FHOD3: variants seen among roughly 807,000 people sequenced by gnomAD.
The protein encoded by FHOD3 is formin homology 2 domain containing 3.
Under a neutral mutation model 173.0 loss-of-function variants are expected in FHOD3, and 90 were observed. The observed-to-expected ratio is 0.52, with a 90% CI of 0.44 to 0.62. The LOEUF is 0.62. FHOD3 is among the 20% of genes least tolerant of loss of function. The pLI, the probability that FHOD3 is intolerant of heterozygous loss-of-function variation, is 0.00. For synonymous variants in FHOD3, 828 were observed against 823.0 expected (o/e 1.01, Z -0.10); for missense variants, 1,945 against 2,034.7 (o/e 0.96, Z 0.85).
intron 3 of FHOD3, among the ~76,000 whole-genome samples, chr18:36,436,493 C>A (rs1255657811): frequency 6.6e-6 from 1 of 151,884 alleles, no homozygotes; most frequent in African/African-American, 2.4e-5. Context: ...GATCAGTGGG[C>A]AGAAAAAAAG....
At chr18:36,324,566 A>T (rs2044569821) in intron 1 of FHOD3, among the ~76,000 whole-genome samples, 1 of 152,248 alleles carries the variant, frequency 6.6e-6, no homozygotes, top group Non-Finnish European at 1.5e-5. Flanking sequence ...CCAATAGAAA[A>T]ATGGGGAAGA....
intron 3 of FHOD3, among the ~76,000 whole-genome samples, chr18:36,415,909 G>A (rs1342152604): frequency 6.6e-6 from 1 of 152,230 alleles, no homozygotes; most frequent in Non-Finnish European, 1.5e-5. Context: ...GAAGTTTGGT[G>A]ACCTAACCAG....
chr18:36,542,875 C>T (rs2057279377), intron 5 of FHOD3, among the ~76,000 whole-genome samples: 1 of 152,086 alleles, frequency 6.6e-6, no homozygotes, highest in Non-Finnish European at 1.5e-5. Flanking sequence ...TGCATTAGCT[C>T]CCTGTGAGGG....
chr18:36,693,112 G>T, intron 16 of FHOD3, 97 bp from the exon 17 acceptor site: 1 of 1,257,208 alleles, frequency 8.0e-7, no homozygotes, highest in Non-Finnish European at 1.1e-6. Flanking sequence ...TGTGCATCAG[G>T]AAACCGGCTC....
chr18:36,658,158 T>A lies in FHOD3; in HGVS notation c.1805T>A (p.Val602Asp), dbSNP rs755293878. 13 of 1,589,260 alleles carry A rather than the reference T, an allele frequency of 8.2e-6. No homozygotes were observed. In the East Asian group the frequency reaches 3.1e-4, roughly 38 times the overall value. The change falls in exon 14 of 29, where the codon GTC (valine) becomes GAC (aspartate). Residue 602 changes from valine (V) to aspartate (D), a missense_variant. By Grantham distance (152) the Val-to-Asp change is radical (BLOSUM62 -3). Coordinates refer to ENST00000590592, the MANE Select transcript of FHOD3 (RefSeq NM_001281740.3). ...GTGCCCACCACCCCCACATCATCCGTCTCACCCCCACAGGAGGCCAGGTTG... is the reference window on the plus strand; with the variant it reads ...GTGCCCACCACCCCCACATCATCCGACTCACCCCCACAGGAGGCCAGGTTG... ...SSVPTTPTSS[V>D]SPPQEARLER...
chr18:36,497,657 C>T (rs1568350002), intron 3 of FHOD3, among the ~76,000 whole-genome samples: 1 of 152,150 alleles, frequency 6.6e-6, no homozygotes, highest in Admixed American at 6.5e-5. Context: ...GAAGCCACAA[C>T]AATCCCAAAT....
intron 8 of FHOD3, among the ~76,000 whole-genome samples, chr18:36,609,732 C>T (rs2032472900): frequency 6.6e-6 from 1 of 151,754 alleles, no homozygotes; most frequent in South Asian, 2.1e-4. Flanking sequence ...GCCTCAGCCT[C>T]CCAAGTAGCT....
At chr18:36,386,334 G>A (rs2048031346) in intron 3 of FHOD3, among the ~76,000 whole-genome samples, 1 of 152,194 alleles carries the variant, frequency 6.6e-6, no homozygotes, top group African/African-American at 2.4e-5. Flanking sequence ...GTTGGCAAGG[G>A]TGATGTGGGT....
At chr18:36,333,491 G>A (rs1297370948) in intron 1 of FHOD3, among the ~76,000 whole-genome samples, 1 of 152,198 alleles carries the variant, frequency 6.6e-6, no homozygotes, top group Non-Finnish European at 1.5e-5. Context: ...CTGCCTTTTT[G>A]GGTTTATAAC....
intron 3 of FHOD3, among the ~76,000 whole-genome samples, chr18:36,383,695 C>G (rs1296293431): frequency 6.6e-6 from 1 of 152,188 alleles, no homozygotes; most frequent in Non-Finnish European, 1.5e-5. Context: ...GCAAAGCACT[C>G]GACAAGTGTA....
rs186862302 is a variant in FHOD3, at chr18:36,742,890, C to T, written c.3879+34C>T. ...TCCCCATCCCTCATCCTGTAGCCCC[C>T]CCTTGTCACAAAATCCCTGCCCAGC... On this transcript the variant is annotated intron_variant, in intron 22 of 28. Coordinates refer to ENST00000590592, the MANE Select transcript of FHOD3 (RefSeq NM_001281740.3). The T allele has an allele frequency of 1.6e-5, 26 of 1,593,714 alleles. No homozygotes were observed. The East Asian group carries it at 2.0e-4, about 12-fold the overall frequency.
Position 36,591,684 on chromosome 18 carries a change from G to A in FHOD3, c.607-3103G>A, listed in dbSNP as rs576502422. On this transcript the variant is annotated intron_variant, in intron 6 of 28. Transcript: ENST00000590592. Reference sequence around the variant, plus strand: ...TGAAATCCTAGCACTTTGGGAGGCCGAGGTGAGAGGTTTGCTGGATCCCAG... The same window carrying A: ...TGAAATCCTAGCACTTTGGGAGGCCAAGGTGAGAGGTTTGCTGGATCCCAG... Among the ~76,000 whole-genome samples, 4 of 152,234 alleles carry A rather than the reference G, an allele frequency of 2.6e-5. No individual in the cohort carries two copies. The South Asian group carries it at 6.2e-4, about 24-fold the overall frequency.
intron 3 of FHOD3, among the ~76,000 whole-genome samples, chr18:36,410,023 A>G (rs2146865285): frequency 6.6e-6 from 1 of 152,354 alleles, no homozygotes; most frequent in Non-Finnish European, 1.5e-5. Flanking sequence ...TGTAATTCAC[A>G]TACTATACAA....
chr18:36,444,184 C>T (rs1280915008), intron 3 of FHOD3, among the ~76,000 whole-genome samples: 1 of 114,120 alleles, frequency 8.8e-6, no homozygotes, highest in African/African-American at 3.6e-5. Flanking sequence ...CAGAGTGAGA[C>T]TCCGTCTCAA....
chr18:36,387,951 G>A (rs2048108994), intron 3 of FHOD3, among the ~76,000 whole-genome samples: 2 of 152,070 alleles, frequency 1.3e-5, no homozygotes, highest in South Asian at 4.1e-4. Flanking sequence ...CCTTAAGGAA[G>A]GAATTTGGGG....
chr18:36,526,124 T>C (rs9635886), intron 5 of FHOD3, among the ~76,000 whole-genome samples: 49,742 of 152,234 alleles, frequency 0.33, 9,157 homozygotes, highest in Non-Finnish European at 0.42. Context: ...GGAGATGATT[T>C]GCAGATGACT....
chr18:36,438,956 A>G (rs1450023109), intron 3 of FHOD3, among the ~76,000 whole-genome samples: 2 of 152,194 alleles, frequency 1.3e-5, no homozygotes, highest in Non-Finnish European at 2.9e-5. Flanking sequence ...CTCGCACCCA[A>G]AGTTGTGCTG....
chr18:36,737,119 AG>A (rs1386878774), intron 20 of FHOD3, among the ~76,000 whole-genome samples: 1 of 152,198 alleles, frequency 6.6e-6, no homozygotes, highest in African/African-American at 2.4e-5. Flanking sequence ...TCTTATTGTC[AG>A]TGATGTGTAA....
chr18:36,621,176 A>G (rs2033676679), intron 9 of FHOD3, among the ~76,000 whole-genome samples: 1 of 152,232 alleles, frequency 6.6e-6, no homozygotes, highest in African/African-American at 2.4e-5. Flanking sequence ...ACGTGTTCTA[A>G]CTTTAGATTC....
Sources: allele counts gnomAD v4.1 joint callset (sites outside exome capture counted in the v4.1 genomes callset), GRCh38; gene constraint gnomAD v4.1.1; transcripts MANE v1.5; gene names NCBI Gene and HGNC (gene_info 2026-07-23, HGNC 2026-07-21).